IPO11: variants seen among roughly 807,000 people sequenced by gnomAD.
The protein encoded by IPO11 is importin 11, also known as importin-11.
IPO11 carries 66 observed loss-of-function variants against 143.2 expected under a neutral mutation model. That is an observed-to-expected ratio of 0.46 (90% confidence interval 0.38 to 0.57). The LOEUF (loss-of-function observed/expected upper bound fraction) is 0.57. IPO11 is among the 20% of genes least tolerant of loss of function. The pLI, the probability that IPO11 is intolerant of heterozygous loss-of-function variation, is 0.00. For synonymous variants in IPO11, 385 were observed against 377.8 expected, an observed-to-expected ratio of 1.02 and a Z score of -0.22; for missense variants, 1,026 against 1,141.0, an observed-to-expected ratio of 0.90 and a Z score of 1.45.
intron 1 of IPO11, among the ~76,000 whole-genome samples, chr5:62,423,989 T>C (rs1195406084): frequency 6.6e-6 from 1 of 152,172 alleles, no homozygotes; most frequent in Non-Finnish European, 1.5e-5. Flanking sequence ...TTTCTGCCTC[T>C]TGTTCTTCTC....
chr5:62,601,269 G>A (rs1201506860), intron 28 of IPO11: 6 of 152,322 alleles, frequency 3.9e-5, no homozygotes, highest in Admixed American at 3.9e-4. Context: ...TACCCAGAAG[G>A]TACAAGTGCT....
At chr5:62,553,204 G>A (rs887305535) in intron 26 of IPO11, among the ~76,000 whole-genome samples, 5 of 151,970 alleles carry the variant, frequency 3.3e-5, no homozygotes, top group Non-Finnish European at 7.4e-5. Context: ...GTGAGAACAC[G>A]TAGTATTTCT....
intron 1 of IPO11, chr5:62,419,010 C>G (rs776513732): frequency 1.6e-5 from 25 of 1,550,030 alleles, no homozygotes; most frequent in Non-Finnish European, 1.9e-5. Flanking sequence ...ATGAACAAAC[C>G]TAGATGGTAC....
intron 1 of IPO11, among the ~76,000 whole-genome samples, chr5:62,427,363 T>C (rs1401016081): frequency 6.6e-6 from 1 of 152,150 alleles, no homozygotes; most frequent in African/African-American, 2.4e-5. Context: ...AGCAAGCAAA[T>C]AGCTTCTCTC....
chr5:62,507,133 T>G (rs1741579897), intron 19 of IPO11, among the ~76,000 whole-genome samples: 1 of 152,226 alleles, frequency 6.6e-6, no homozygotes. Flanking sequence ...ATTTCTCATT[T>G]AGTTCTCACA....
chr5:62,475,177 A>G (rs1745911888), intron 8 of IPO11, among the ~76,000 whole-genome samples: 1 of 151,928 alleles, frequency 6.6e-6, no homozygotes, highest in African/African-American at 2.4e-5. Context: ...AAAGTGTTGG[A>G]ATTGCAGATA....
chr5:62,573,560 G>T (rs1340202504), intron 27 of IPO11, among the ~76,000 whole-genome samples: 1 of 152,156 alleles, frequency 6.6e-6, no homozygotes, highest in African/African-American at 2.4e-5. Flanking sequence ...ATGAGCAGTG[G>T]TTATTGTAGT....
chr5:62,513,298 G>C (rs1741848010), intron 19 of IPO11, among the ~76,000 whole-genome samples: 1 of 91,696 alleles, frequency 1.1e-5, no homozygotes, highest in African/African-American at 5.7e-5. Context: ...CGGGGCGGCT[G>C]GCTGGGCGTG....
chr5:62,620,190 A>G (rs1322443351), intron 29 of IPO11, among the ~76,000 whole-genome samples: 2 of 152,130 alleles, frequency 1.3e-5, no homozygotes, highest in Non-Finnish European at 2.9e-5. Flanking sequence ...GGTTTTATAC[A>G]TTTTAGGGAG....
intron 4 of IPO11, among the ~76,000 whole-genome samples, chr5:62,451,457 T>C (rs1448815605): frequency 6.6e-6 from 1 of 152,168 alleles, no homozygotes; most frequent in Non-Finnish European, 1.5e-5. Flanking sequence ...GCTTCTTCAT[T>C]TACTCTGTTG....
intron 1 of IPO11, among the ~76,000 whole-genome samples, chr5:62,436,134 T>G (rs1179509589): frequency 6.6e-6 from 1 of 152,214 alleles, no homozygotes; most frequent in Non-Finnish European, 1.5e-5. Flanking sequence ...AATTTTTGTG[T>G]TTTTGATTAG....
At chr5:62,453,337 A>C (rs953634052) in intron 5 of IPO11, among the ~76,000 whole-genome samples, 1 of 151,006 alleles carries the variant, frequency 6.6e-6, no homozygotes, top group African/African-American at 2.5e-5. Flanking sequence ...TTCACCATCC[A>C]TGATTAGAGA....
intron 15 of IPO11, 138 bp downstream of exon 15, chr5:62,490,358 A>C (rs756251977): frequency 3.9e-5 from 19 of 490,844 alleles, no homozygotes; most frequent in Non-Finnish European, 5.5e-5. Flanking sequence ...TGTGGAAAGG[A>C]ATAAGAATTT....
chr5:62,468,600 A>T (rs1157517506), intron 6 of IPO11, among the ~76,000 whole-genome samples: 1 of 152,244 alleles, frequency 6.6e-6, no homozygotes, highest in Admixed American at 6.5e-5. Context: ...AAGGCTGTGT[A>T]TACAAAGCTG....
chr5:62,452,106 G>A (rs1744952428), intron 5 of IPO11, among the ~76,000 whole-genome samples, 173 bp downstream of exon 5: 1 of 152,090 alleles, frequency 6.6e-6, no homozygotes, highest in Non-Finnish European at 1.5e-5. Flanking sequence ...TTAGCCGGGC[G>A]TGGTGGCACA....
At chr5:62,608,347 C>T (rs1745805312) in intron 29 of IPO11, among the ~76,000 whole-genome samples, 1 of 152,172 alleles carries the variant, frequency 6.6e-6, no homozygotes, top group Non-Finnish European at 1.5e-5. Context: ...TTCAGACTTA[C>T]TGTATCTGGG....
intron 14 of IPO11, among the ~76,000 whole-genome samples, chr5:62,489,575 A>G (rs1561332170): frequency 6.6e-6 from 1 of 152,200 alleles, no homozygotes; most frequent in Non-Finnish European, 1.5e-5. Flanking sequence ...TGGTGTGTCT[A>G]AGGAAAGATT....
chr5:62,624,424 T>C (rs1746487145), intron 29 of IPO11, among the ~76,000 whole-genome samples: 1 of 152,084 alleles, frequency 6.6e-6, no homozygotes, highest in Non-Finnish European at 1.5e-5. Flanking sequence ...TTGTAAACCG[T>C]CATGGTGCTG....
intron 5 of IPO11, among the ~76,000 whole-genome samples, chr5:62,462,706 A>G (rs1267403491): frequency 6.6e-6 from 1 of 152,060 alleles, no homozygotes; most frequent in Non-Finnish European, 1.5e-5. Context: ...ACTATAAAAT[A>G]CTTCAGAAAA....
Sources: gnomAD v4.1 joint callset for allele counts (sites outside exome capture counted in the v4.1 genomes callset) on GRCh38, gnomAD v4.1.1 for gene constraint, MANE v1.5 for transcripts, NCBI Gene and HGNC (gene_info 2026-07-23, HGNC 2026-07-21) for gene names.